The following TRPM7 variants were observed in gnomAD, a reference collection of about 807,000 sequenced individuals.
The protein encoded by TRPM7 is LTRPC ion channel family member 7.
TRPM7 carries 134 observed loss-of-function variants against 229.7 expected under a neutral mutation model. The ratio of observed to expected loss-of-function variants is 0.58; its 90% CI spans 0.51 to 0.67. The LOEUF is 0.67. Among genes scored for constraint, TRPM7 ranks in the 30% least tolerant of loss-of-function variants. The pLI is 0.00. For synonymous variants in TRPM7, 699 were observed against 715.2 expected (o/e 0.98, Z 0.36); for missense variants, 1,901 against 2,210.0 (o/e 0.86, Z 2.80).
chr15:50,601,181 G>A (rs923588474), intron 21 of TRPM7, among the ~76,000 whole-genome samples: 5 of 152,162 alleles, frequency 3.3e-5, no homozygotes, highest in African/African-American at 4.8e-5. Context: ...CTGTATTGAC[G>A]TAAACTAAAA....
At chr15:50,656,526 G>A (rs1030978309) in intron 3 of TRPM7, among the ~76,000 whole-genome samples, 62 of 147,392 alleles carry the variant, frequency 4.2e-4, no homozygotes, top group African/African-American at 1.6e-3. Flanking sequence ...GGTAGACACA[G>A]GGTCTCACTA....
rs2060626002 is a variant in TRPM7, at chr15:50,628,240, G to A, written c.1214C>T (p.Ala405Val). The A allele has an allele frequency of 2.5e-6, 4 of 1,608,544 alleles. No individual in the cohort carries two copies. The South Asian group carries it at 4.4e-5, about 18-fold the overall frequency. The change falls in exon 11 of 39, where the codon GCA (alanine) becomes GTA (valine). Residue 405 changes from alanine to valine, a missense_variant. By Grantham distance (64) the Ala-to-Val change is moderately conservative. Around this residue, in one of 8 missense-constraint regions of TRPM7, gnomAD observed 794 missense variants for 881.9 expected, o/e 0.90. Coordinates refer to ENST00000646667, the MANE Select transcript of TRPM7 (RefSeq NM_017672.6). ...AAGGATAAGCTGGTCAAATGCAGAT[G>A]CATTAGTACCTAATCGAATAAAGAA... is the stretch of plus-strand genomic sequence containing the variant. The part of the protein sequence containing the change: ...ILTALLKGTN[A>V]SAFDQLILTL...
chr15:50,586,572 G>T (rs2059349146), intron 27 of TRPM7, 84 bp from the exon 28 acceptor site: 1 of 816,300 alleles, frequency 1.2e-6, no homozygotes. Flanking sequence ...AGAGTCCCTT[G>T]ATCTATTTAG....
rs145599500 is a variant in TRPM7, at chr15:50,623,440, A to G, written c.1440+726T>C. On this transcript the variant is annotated intron_variant, in intron 12 of 38. Coordinates refer to ENST00000646667, the MANE Select transcript of TRPM7 (RefSeq NM_017672.6). ...AAAAAAAAGAAAGAAAAAAGTTTGTATTTTTAGTAAATAGTAGGTAGACAT... is the reference window on the plus strand; with the variant it reads ...AAAAAAAAGAAAGAAAAAAGTTTGTGTTTTTAGTAAATAGTAGGTAGACAT... 1.2e-3 allele frequency among the ~76,000 whole-genome samples: 175 copies of G among 150,782 alleles called. 3 individuals carry two copies. In the East Asian group the frequency reaches 0.03, roughly 25 times the overall value.
At chr15:50,628,023 TTAGC>T (rs2060619768) in intron 11 of TRPM7, 122 bp downstream of exon 11, 1 of 679,464 alleles carries the variant, frequency 1.5e-6, no homozygotes, top group Admixed American at 2.7e-5. Context: ...GTAGAAATAC[TTAGC>T]TAAACTATTT....
intron 2 of TRPM7, among the ~76,000 whole-genome samples, chr15:50,658,548 G>A (rs2061643253): frequency 2.0e-5 from 3 of 151,258 alleles, no homozygotes; most frequent in Non-Finnish European, 4.4e-5. Context: ...CTCCAGCCTG[G>A]GCGAAAGAGC....
chr15:50,657,007 T>A (rs955611809), intron 3 of TRPM7, among the ~76,000 whole-genome samples: 1 of 152,114 alleles, frequency 6.6e-6, no homozygotes, highest in African/African-American at 2.4e-5. Context: ...CAATCCAATC[T>A]AAAAATGCAA....
At chr15:50,659,196 A>G (rs1160230814) in intron 2 of TRPM7, among the ~76,000 whole-genome samples, 2 of 151,852 alleles carry the variant, frequency 1.3e-5, no homozygotes, top group African/African-American at 4.8e-5. Flanking sequence ...CCGTCTCAAA[A>G]AAAAAAAAAA....
chr15:50,577,134 G>A (rs989775724), intron 31 of TRPM7, among the ~76,000 whole-genome samples: 1 of 151,428 alleles, frequency 6.6e-6, no homozygotes, highest in Non-Finnish European at 1.5e-5. Context: ...CGGGAGGCGT[G>A]GAATTAAGAG....
intron 10 of TRPM7, among the ~76,000 whole-genome samples, chr15:50,629,724 A>C (rs193251925): frequency 2.2e-4 from 33 of 152,252 alleles, no homozygotes; most frequent in Admixed American, 1.9e-3. Flanking sequence ...CTCATCTATA[A>C]AATGAGTAAA....
chr15:50,640,435 C>A (rs115930023), intron 5 of TRPM7, among the ~76,000 whole-genome samples: 4,310 of 150,616 alleles, frequency 0.029, 230 homozygotes, highest in African/African-American at 0.1. Context: ...TACCACCATG[C>A]CGGGGTAATT....
chr15:50,617,017 G>A (rs1381353464), intron 13 of TRPM7, among the ~76,000 whole-genome samples: 3 of 151,940 alleles, frequency 2.0e-5, no homozygotes, highest in East Asian at 1.9e-4. Context: ...CAGGCTGGGC[G>A]TAATGGCTCA....
intron 13 of TRPM7, among the ~76,000 whole-genome samples, chr15:50,617,933 AC>A (rs1278783965): frequency 6.6e-6 from 1 of 152,176 alleles, no homozygotes; most frequent in Non-Finnish European, 1.5e-5. Flanking sequence ...TGCTGGTATT[AC>A]GGGTATGAGC....
intron 36 of TRPM7, 35 bp downstream of exon 36, chr15:50,574,239 A>G: frequency 6.5e-7 from 1 of 1,527,440 alleles, no homozygotes; most frequent in Non-Finnish European, 9.1e-7. Flanking sequence ...AACCTACTGC[A>G]GAATTTCACC....
intron 1 of TRPM7, among the ~76,000 whole-genome samples, chr15:50,674,027 C>T (rs1249915841): frequency 6.6e-6 from 1 of 152,104 alleles, no homozygotes; most frequent in African/African-American, 2.4e-5. Context: ...TTTACTCTGT[C>T]GCCCAGGCTG....
rs1375269955 is a variant in TRPM7, at chr15:50,570,167, T to C, written c.5309-12A>G. 1.9e-6 allele frequency: 3 copies of C among 1,566,856 alleles called. No homozygotes were observed. The highest frequency in any genetic ancestry group is 1.2e-5 in the South Asian group (1 of 84,186). ...ATTTTCACCAACACCTTTATATGTGTATATAAAAAAGACAAATAATTTATA... is the reference window on the plus strand; with the variant it reads ...ATTTTCACCAACACCTTTATATGTGCATATAAAAAAGACAAATAATTTATA... On this transcript the variant is annotated splice_polypyrimidine_tract_variant and intron_variant, in intron 36 of 38. Transcript: ENST00000646667.
chr15:50,632,446 A>G (rs41385348), intron 9 of TRPM7, among the ~76,000 whole-genome samples: 3 of 152,218 alleles, frequency 2.0e-5, no homozygotes, highest in South Asian at 2.1e-4. Context: ...TAAAAATTTT[A>G]TCTCTGAAAA....
At chr15:50,637,354 T>A in intron 7 of TRPM7, 68 bp downstream of exon 7, 1 of 1,426,442 alleles carries the variant, frequency 7.0e-7, no homozygotes, top group Non-Finnish European at 9.6e-7. Flanking sequence ...CATTCTACTT[T>A]CTTTGAATTT....
chr15:50,614,238 A>T lies in TRPM7; in HGVS notation c.1520T>A (p.Ile507Asn). The T allele has an allele frequency of 6.2e-7, 1 of 1,605,890 alleles. No homozygotes were observed. Reference sequence around the variant, plus strand: ...AACAAGTCCTATATCAATCAGAGTGATCTTATATCCTGGAGGAAGATTTCC... The same window carrying T: ...AACAAGTCCTATATCAATCAGAGTGTTCTTATATCCTGGAGGAAGATTTCC... The part of the protein sequence containing the change: ...KQGNLPPGYK[I>N]TLIDIGLVIE... The change falls in exon 14 of 39, where the codon ATC (isoleucine) becomes AAC (asparagine). Residue 507 changes from isoleucine (I) to asparagine (N), a missense_variant. Physicochemically the swap from Ile to Asn is moderately radical, Grantham distance 149 (BLOSUM62 -3). Coordinates refer to ENST00000646667, the MANE Select transcript of TRPM7 (RefSeq NM_017672.6).
Sources: gnomAD v4.1 joint callset for allele counts (sites outside exome capture counted in the v4.1 genomes callset) on GRCh38, gnomAD v4.1.1 for gene constraint, gnomAD v4.1.1 regional missense constraint, MANE v1.5 for transcripts, NCBI Gene and HGNC (gene_info 2026-07-23, HGNC 2026-07-21) for gene names.